DCAF10: variants seen among roughly 807,000 people sequenced by gnomAD.
The protein encoded by DCAF10 is DDB1 and CUL4 associated factor 10, also known as DDB1- and CUL4-associated factor 10.
In DCAF10, 19 loss-of-function variants were observed where a neutral mutation model predicts 51.9. The observed-to-expected ratio is 0.37, with a 90% CI of 0.26 to 0.54. DCAF10 has a LOEUF of 0.54. Among genes scored for constraint, DCAF10 ranks in the 20% least tolerant of loss-of-function variants. The pLI is 0.87. For missense variants in DCAF10, 510 were observed against 730.6 expected (o/e 0.70, Z 3.48); for synonymous variants, 291 against 297.1 (o/e 0.98, Z 0.21).
At chr9:37,840,033 T>C (rs1008856270) in intron 2 of DCAF10, among the ~76,000 whole-genome samples, 1 of 152,168 alleles carries the variant, frequency 6.6e-6, no homozygotes, top group African/African-American at 2.4e-5. Flanking sequence ...GCTCCCAGAA[T>C]GCTTTGGGAG....
At chr9:37,852,745 A>G (rs988149974) in intron 3 of DCAF10, among the ~76,000 whole-genome samples, 11 of 152,032 alleles carry the variant, frequency 7.2e-5, no homozygotes, top group African/African-American at 2.7e-4. Flanking sequence ...CCCCGTCTCT[A>G]CTAAAAATGT....
chr9:37,809,689 C>T (rs978646960), intron 1 of DCAF10, among the ~76,000 whole-genome samples: 2 of 151,302 alleles, frequency 1.3e-5, no homozygotes, highest in African/African-American at 4.9e-5. Context: ...AAAAATTAGC[C>T]AGGCATGGTG....
Position 37,801,521 on chromosome 9 carries a change from G to A in DCAF10, c.539+116G>A. On this transcript the variant is annotated intron_variant, in intron 1 of 6. Transcript: ENST00000377724. This position sits in a 1 kb window ranked among gnomAD's most constrained non-coding sequence, Gnocchi z 5.5. ...GCCGAGGTTAGCGAGGCCGTTTGGG[G>A]CCGCTGGCCTTCGTGCCTCCTGGCA... is the stretch of plus-strand genomic sequence containing the variant. 2.4e-6 allele frequency: 3 copies of A among 1,237,256 alleles called. No individual in the cohort carries two copies. Among genetic ancestry groups the A allele is most frequent in the South Asian group, 4.4e-5 (2 of 45,322 alleles). 76.6% of individuals were successfully genotyped at this position (1,237,256 alleles called of 1,614,324 possible).
intron 2 of DCAF10, among the ~76,000 whole-genome samples, chr9:37,838,624 C>T (rs1173873817): frequency 6.6e-6 from 1 of 152,140 alleles, no homozygotes; most frequent in African/African-American, 2.4e-5. Flanking sequence ...GGCACAGTGG[C>T]TCACTCCTGT....
chr9:37,844,607 T>C lies in DCAF10; in HGVS notation c.851+2321T>C, dbSNP rs563238798. Reference sequence around the variant, plus strand: ...TAGAGGTTGCCGTGAGCCGAGGTTGTGCCACTGTACTCCAGCCTGGGCCAC... The same window carrying C: ...TAGAGGTTGCCGTGAGCCGAGGTTGCGCCACTGTACTCCAGCCTGGGCCAC... On this transcript the variant is annotated intron_variant, in intron 3 of 6. Coordinates refer to ENST00000377724, the MANE Select transcript of DCAF10 (RefSeq NM_024345.5). Among the ~76,000 whole-genome samples the C allele has an allele frequency of 3.0e-4, 46 of 152,222 alleles. 2 individuals carry two copies. In the South Asian group the frequency reaches 9.1e-3, roughly 30 times the overall value.
chr9:37,835,669 C>T (rs541310107), intron 2 of DCAF10, among the ~76,000 whole-genome samples: 7 of 152,012 alleles, frequency 4.6e-5, no homozygotes, highest in Admixed American at 4.6e-4. Flanking sequence ...ACCCGGGAGG[C>T]GGAGGTTGCA....
At chr9:37,845,831 A>G (rs1360276099) in intron 3 of DCAF10, among the ~76,000 whole-genome samples, 1 of 152,154 alleles carries the variant, frequency 6.6e-6, no homozygotes, top group East Asian at 1.9e-4. Context: ...AATATTCTGA[A>G]TATCACCTCT....
chr9:37,800,702 G>A, upstream of DCAF10: 4 of 1,535,896 alleles, frequency 2.6e-6, no homozygotes, highest in Non-Finnish European at 3.5e-6. Flanking sequence ...CAAACCCGGC[G>A]GTGTCTCAGC....
intron 4 of DCAF10, 121 bp downstream of exon 4, chr9:37,855,103 C>T: frequency 1.2e-6 from 1 of 862,624 alleles, no homozygotes; most frequent in East Asian, 2.6e-5. Flanking sequence ...AAAAGGCATT[C>T]TTTAGAAAGC....
At chr9:37,838,551 T>G (rs1008775116) in intron 2 of DCAF10, among the ~76,000 whole-genome samples, 1 of 152,136 alleles carries the variant, frequency 6.6e-6, no homozygotes, top group Non-Finnish European at 1.5e-5. Flanking sequence ...TGTTTTTTAG[T>G]AGTAAAAAAT....
chr9:37,819,184 A>G, intron 1 of DCAF10, 104 bp from the exon 2 acceptor site: 1 of 874,554 alleles, frequency 1.1e-6, no homozygotes, highest in South Asian at 1.8e-5. Flanking sequence ...TGGGCAAAAA[A>G]AAAAAGTTAT....
chr9:37,822,404 GATATATATATATATAT>G lies in DCAF10; in HGVS notation c.653+3026_653+3041del, dbSNP rs59549239. On this transcript the variant is annotated intron_variant, in intron 2 of 6. Transcript: ENST00000377724. ...ATCAATGAATGGATAAAGAAACTGTGATATATATATATATATATATATATATATATATATATATGAT... is the reference window on the plus strand; with the variant it reads ...ATCAATGAATGGATAAAGAAACTGTGATATATATATATATATATATATGAT... Among the ~76,000 whole-genome samples the G allele has an allele frequency of 3.3e-4, 41 of 124,626 alleles. 1 individual carries two copies. The highest frequency in any genetic ancestry group is 9.9e-4 in the South Asian group (3 of 3,028). The allele number at this position is 124,626 out of a possible 152,430, so 81.8% of individuals were successfully genotyped here.
Position 37,865,522 on chromosome 9 carries a change from C to T in DCAF10, c.*4014C>T, listed in dbSNP as rs1173193082. 1.3e-5 allele frequency: 2 copies of T among 152,112 alleles called. No individual in the cohort carries two copies. Among genetic ancestry groups the T allele is most frequent in the African/African-American group, 4.8e-5 (2 of 41,412 alleles). The allele number at this position is 152,112 out of a possible 1,614,324, so 9.4% of individuals were successfully genotyped here. A position where few individuals can be genotyped will look rare whatever the true frequency, so the allele number is the denominator to read the frequency against. ...TATTCAGTAATTTTTATTCATAATT[C>T]ATGATAATTGGTAATGTAGTATAAT... On this transcript the variant is annotated 3_prime_UTR_variant, in exon 7 of 7. Transcript: ENST00000377724.
At chr9:37,820,608 A>G (rs939272541) in intron 2 of DCAF10, among the ~76,000 whole-genome samples, 2 of 152,298 alleles carry the variant, frequency 1.3e-5, no homozygotes, top group African/African-American at 4.8e-5. Context: ...CTGAATGTCT[A>G]TGTATGATAT....
At chr9:37,838,743 T>C (rs746599210) in intron 2 of DCAF10, among the ~76,000 whole-genome samples, 1 of 151,810 alleles carries the variant, frequency 6.6e-6, no homozygotes, top group Non-Finnish European at 1.5e-5. Context: ...ATACAAAAAT[T>C]AGCTGGGCAT....
Position 37,854,765 on chromosome 9 carries a change from T to G in DCAF10, c.852-15T>G, listed in dbSNP as rs1278135667. 3.7e-6 allele frequency: 6 copies of G among 1,602,750 alleles called. No individual in the cohort carries two copies. Among genetic ancestry groups the G allele is most frequent in the Non-Finnish European group, 5.1e-6 (6 of 1,176,052 alleles). On this transcript the variant is annotated splice_polypyrimidine_tract_variant and intron_variant, in intron 3 of 6. Transcript: ENST00000377724. Reference sequence around the variant, plus strand: ...ATGATAACTCTAGATTTTGTTGGCTTGGTTTCTCCTGTAGGTATACAGAAG... The same window carrying G: ...ATGATAACTCTAGATTTTGTTGGCTGGGTTTCTCCTGTAGGTATACAGAAG...
At chr9:37,846,489 G>A (rs12555001) in intron 3 of DCAF10, among the ~76,000 whole-genome samples, 19,427 of 152,058 alleles carry the variant, frequency 0.13, 1,401 homozygotes, top group Non-Finnish European at 0.16. Flanking sequence ...CCTACAGCAA[G>A]TAAAGATATT....
rs1831121182 is a variant in DCAF10, at chr9:37,865,596, G to A, written c.*4088G>A. On this transcript the variant is annotated 3_prime_UTR_variant, in exon 7 of 7. Transcript: ENST00000377724. ...GTTCTACTGTTTTAAAAAGTTTTCC[G>A]CAGAACAGTGCATTTATGGCAATGC... 2 of 152,038 alleles carry A rather than the reference G, an allele frequency of 1.3e-5. No homozygotes were observed. Among genetic ancestry groups the A allele is most frequent in the Non-Finnish European group, 2.9e-5 (2 of 68,008 alleles). The allele number at this position is 152,038 out of a possible 1,614,324, so 9.4% of individuals were successfully genotyped here. A position where few individuals can be genotyped will look rare whatever the true frequency, so the allele number is the denominator to read the frequency against.
At chr9:37,856,398 A>C (rs1169211496) in intron 4 of DCAF10, among the ~76,000 whole-genome samples, 1 of 152,238 alleles carries the variant, frequency 6.6e-6, no homozygotes, top group Non-Finnish European at 1.5e-5. Context: ...TAACTTAGTG[A>C]GAAATAGTGA....
Sources: allele counts gnomAD v4.1 joint callset (sites outside exome capture counted in the v4.1 genomes callset), GRCh38; gene constraint gnomAD v4.1.1; non-coding constraint Gnocchi (gnomAD v3.1); transcripts MANE v1.5; gene names NCBI Gene and HGNC (gene_info 2026-07-23, HGNC 2026-07-21).